Variants in DAPL1 observed in about 807,000 individuals in gnomAD.
DAPL1 encodes the protein death-associated protein-like 1.
DAPL1 carries 17 observed loss-of-function variants against 12.9 expected under a neutral mutation model. The ratio of observed to expected loss-of-function variants is 1.32; its 90% CI spans 0.90 to 1.98. The LOEUF (loss-of-function observed/expected upper bound fraction) is 1.98, where lower values mean the gene tolerates loss of function less well. Ranked by LOEUF, DAPL1 falls within the 30% of genes most tolerant of loss-of-function variation. DAPL1 has a pLI of 0.00. For missense variants in DAPL1, 157 were observed against 125.7 expected (o/e 1.25, Z -1.19); for synonymous variants, 51 against 42.0 (o/e 1.21, Z -0.82).
intron 2 of DAPL1, 94 bp downstream of exon 2, chr2:158,804,463 C>A: frequency 1.2e-6 from 1 of 853,660 alleles, no homozygotes; most frequent in Non-Finnish European, 1.8e-6. Flanking sequence ...CTCCCTATGC[C>A]TTTGGAGGCA....
At position 158,811,673 on chromosome 2, in the gene DAPL1, G is replaced by A. The variant is rs180813263; in HGVS notation, c.208-4032G>A. Among the ~76,000 whole-genome samples, 501 of 152,274 alleles carry A rather than the reference G, an allele frequency of 3.3e-3. 3 individuals are homozygous for A. Among genetic ancestry groups the A allele is most frequent in the Non-Finnish European group, 2.6e-3 (179 of 68,020 alleles). On this transcript the variant is annotated intron_variant, in intron 3 of 3. Coordinates refer to ENST00000309950, the MANE Select transcript of DAPL1 (RefSeq NM_001017920.3). ...TGCCCCTGTAATGGAGCCACAGCAA[G>A]GCAGGATCCTTGTACATATACTGGC...
At chr2:158,809,163 G>A (rs1284363668) in intron 3 of DAPL1, among the ~76,000 whole-genome samples, 2 of 151,832 alleles carry the variant, frequency 1.3e-5, no homozygotes, top group East Asian at 3.9e-4. Context: ...TTCAAGACCA[G>A]CCTGGCCAAT....
chr2:158,807,231 C>T, intron 3 of DAPL1, 116 bp downstream of exon 3: 1 of 597,092 alleles, frequency 1.7e-6, no homozygotes, highest in South Asian at 3.7e-5. Context: ...GTTTGAGGTC[C>T]TTGTGAAAGA....
At chr2:158,815,669 C>G in intron 3 of DAPL1, 36 bp from the exon 4 acceptor site, 1 of 1,259,824 alleles carries the variant, frequency 7.9e-7, no homozygotes, top group Non-Finnish European at 1.2e-6. Context: ...CAAGAAGATC[C>G]AATATGCCTA....
intron 3 of DAPL1, among the ~76,000 whole-genome samples, chr2:158,811,721 G>T (rs539155446): frequency 6.6e-6 from 1 of 152,256 alleles, no homozygotes; most frequent in South Asian, 2.1e-4. Context: ...CTCTCGTGGG[G>T]TTACCCTAGA....
chr2:158,810,270 C>T (rs540034440), intron 3 of DAPL1, among the ~76,000 whole-genome samples: 2 of 152,234 alleles, frequency 1.3e-5, no homozygotes, highest in Admixed American at 6.5e-5. Context: ...ATTCTCCTCA[C>T]GGTATGTATT....
intron 3 of DAPL1, among the ~76,000 whole-genome samples, chr2:158,811,853 AGCTG>A (rs1350492890): frequency 1.3e-5 from 2 of 152,240 alleles, no homozygotes; most frequent in Non-Finnish European, 2.9e-5. Flanking sequence ...ACTAAAACAC[AGCTG>A]GCTGTAGCTT....
intron 3 of DAPL1, among the ~76,000 whole-genome samples, chr2:158,808,153 G>C (rs1647185174): frequency 6.6e-6 from 1 of 152,244 alleles, no homozygotes. Context: ...GTTTATGGAA[G>C]GCGTTGGACA....
chr2:158,803,772 C>A (rs1159061178), intron 1 of DAPL1, among the ~76,000 whole-genome samples: 1 of 152,076 alleles, frequency 6.6e-6, no homozygotes, highest in East Asian at 1.9e-4. Context: ...GAATCAGAAC[C>A]ATCTCTGTTG....
chr2:158,807,821 A>G (rs538831485), intron 3 of DAPL1: 1 of 152,094 alleles, frequency 6.6e-6, no homozygotes, highest in Non-Finnish European at 1.5e-5. Flanking sequence ...TTAATTTTGT[A>G]TTTTAATAGA....
intron 3 of DAPL1, among the ~76,000 whole-genome samples, chr2:158,814,532 A>C (rs530490670): frequency 5.9e-5 from 9 of 152,246 alleles, no homozygotes; most frequent in Non-Finnish European, 1.3e-4. Context: ...CTAACACTTC[A>C]GTGTATTTTC....
At chr2:158,809,494 A>G (rs908054377) in intron 3 of DAPL1, among the ~76,000 whole-genome samples, 3 of 152,196 alleles carry the variant, frequency 2.0e-5, no homozygotes, top group Non-Finnish European at 2.9e-5. Flanking sequence ...AGGTCCTGGC[A>G]TCAGCCATAG....
chr2:158,808,903 C>T (rs187161344), intron 3 of DAPL1, among the ~76,000 whole-genome samples: 86 of 152,306 alleles, frequency 5.6e-4, no homozygotes, highest in African/African-American at 2.0e-3. Context: ...CCAGAGTTTA[C>T]GTTCTGTTCT....
chr2:158,811,148 C>T (rs1454505531), intron 3 of DAPL1, among the ~76,000 whole-genome samples: 1 of 152,144 alleles, frequency 6.6e-6, no homozygotes, highest in Non-Finnish European at 1.5e-5. Context: ...GTTGGGGCTA[C>T]TTTTCTCAAG....
intron 1 of DAPL1, among the ~76,000 whole-genome samples, chr2:158,801,645 C>A (rs1255938323): frequency 1.3e-5 from 2 of 151,978 alleles, no homozygotes; most frequent in Middle Eastern, 3.4e-3. Context: ...GGCTTATATA[C>A]AAAAATCAAT....
chr2:158,799,738 A>G (rs1028884170), intron 1 of DAPL1, among the ~76,000 whole-genome samples: 4 of 152,114 alleles, frequency 2.6e-5, no homozygotes, highest in African/African-American at 7.2e-5. Context: ...TGGAAATCCA[A>G]TGTGTGTTTC....
intron 3 of DAPL1, among the ~76,000 whole-genome samples, chr2:158,808,890 A>T (rs1428007179): frequency 6.6e-6 from 1 of 152,206 alleles, no homozygotes; most frequent in Admixed American, 6.5e-5. Flanking sequence ...ATTAGGTATG[A>T]TGCCAGAGTT....
intron 1 of DAPL1, among the ~76,000 whole-genome samples, chr2:158,797,998 T>C (rs2059144217): frequency 6.6e-6 from 1 of 152,164 alleles, no homozygotes; most frequent in Non-Finnish European, 1.5e-5. Flanking sequence ...TTTTCTGCTT[T>C]TTTGATTTGT....
At chr2:158,801,897 C>T (rs542870826) in intron 1 of DAPL1, among the ~76,000 whole-genome samples, 4 of 151,992 alleles carry the variant, frequency 2.6e-5, no homozygotes, top group Admixed American at 1.3e-4. Flanking sequence ...TCCTATAAAT[C>T]GGTAAGAAAA....
Sources: gnomAD v4.1 joint callset for allele counts (sites outside exome capture counted in the v4.1 genomes callset) on GRCh38, gnomAD v4.1.1 for gene constraint, MANE v1.5 for transcripts, NCBI Gene and HGNC (gene_info 2026-07-23, HGNC 2026-07-21) for gene names.